CSMD2: variants seen among roughly 807,000 people sequenced by gnomAD.
CSMD2 encodes the protein CUB and sushi domain-containing protein 2.
CSMD2 carries 130 observed loss-of-function variants against 398.5 expected under a neutral mutation model. The observed-to-expected ratio is 0.33, with a 90% CI of 0.28 to 0.38. The LOEUF is 0.38. CSMD2 is among the 10% of genes least tolerant of loss of function. The pLI, the probability that CSMD2 is intolerant of heterozygous loss-of-function variation, is 1.00. For synonymous variants in CSMD2, 1,828 were observed against 1,908.5 expected, an observed-to-expected ratio of 0.96 and a Z score of 1.10; for missense variants, 3,829 against 4,764.9, an observed-to-expected ratio of 0.80 and a Z score of 5.78.
intron 58 of CSMD2, among the ~76,000 whole-genome samples, chr1:33,541,893 C>A (rs936285780): frequency 6.6e-6 from 1 of 152,152 alleles, no homozygotes; most frequent in African/African-American, 2.4e-5. Flanking sequence ...ATCTTATCAC[C>A]TGCTGTTGTA....
At chr1:33,962,754 C>T (rs976688664) in intron 3 of CSMD2, among the ~76,000 whole-genome samples, 2 of 152,170 alleles carry the variant, frequency 1.3e-5, no homozygotes, top group Non-Finnish European at 2.9e-5. Flanking sequence ...TCATATCCTT[C>T]AGGTGTGTCC....
chr1:33,653,341 C>T (rs1036788472), intron 27 of CSMD2, among the ~76,000 whole-genome samples: 1 of 152,212 alleles, frequency 6.6e-6, no homozygotes, highest in African/African-American at 2.4e-5. Flanking sequence ...TGGGTACTGA[C>T]TGTGAGTTCC....
chr1:33,613,767 G>A (rs369313844), intron 40 of CSMD2, among the ~76,000 whole-genome samples: 5 of 152,206 alleles, frequency 3.3e-5, no homozygotes, highest in African/African-American at 1.2e-4. Flanking sequence ...CCGTGCGTAC[G>A]GCCCATCAGT....
intron 44 of CSMD2, among the ~76,000 whole-genome samples, chr1:33,597,673 T>C (rs1005649520): frequency 3.9e-5 from 6 of 152,248 alleles, no homozygotes; most frequent in African/African-American, 1.4e-4. Flanking sequence ...TGGTTATAAC[T>C]GCTTCTAAGA....
In CSMD2 at chr1:33,518,882, T is replaced by G. The variant is rs1477127582; in HGVS notation, c.*53+583A>C. 2.0e-5 allele frequency among the ~76,000 whole-genome samples: 3 copies of G among 152,196 alleles called. No homozygotes were observed. The highest frequency in any genetic ancestry group is 4.4e-5 in the Non-Finnish European group (3 of 68,042). On this transcript the variant is annotated intron_variant, in intron 70 of 70. Transcript: ENST00000373381. This position sits in a 1 kb window ranked among gnomAD's most constrained non-coding sequence, Gnocchi z 4.3. Reference sequence around the variant, plus strand: ...ACATATAGCTCTACGGAGATGCGTATCTATATATAGATGGATAGGTATGGA... The same window carrying G: ...ACATATAGCTCTACGGAGATGCGTAGCTATATATAGATGGATAGGTATGGA...
At chr1:34,148,319 C>T (rs796405) in intron 1 of CSMD2, among the ~76,000 whole-genome samples, 115,960 of 152,100 alleles carry the variant, frequency 0.76, 46,118 homozygotes, top group Non-Finnish European at 0.87. Flanking sequence ...CTCATTGCTC[C>T]GCATCAAAAA....
At chr1:33,871,561 G>A (rs2125145767) in intron 5 of CSMD2, among the ~76,000 whole-genome samples, 1 of 152,292 alleles carries the variant, frequency 6.6e-6, no homozygotes, top group South Asian at 2.1e-4. Context: ...CTTCTTATTG[G>A]TGAGGACTGT....
intron 17 of CSMD2, 86 bp from the exon 18 acceptor site, chr1:33,724,790 C>A: frequency 2.3e-6 from 3 of 1,292,984 alleles, no homozygotes; most frequent in Non-Finnish European, 3.2e-6. Context: ...AAGAAGAGAG[C>A]CCTGGTTTAT....
At chr1:33,606,013 A>C (rs769987555) in intron 41 of CSMD2, 1 of 1,605,954 alleles carries the variant, frequency 6.2e-7, no homozygotes, top group Admixed American at 1.7e-5. Context: ...GAAGCTTTTC[A>C]GAGGGAGTAG....
chr1:33,615,162 G>A (rs12049260), intron 39 of CSMD2, among the ~76,000 whole-genome samples: 5 of 152,132 alleles, frequency 3.3e-5, no homozygotes, highest in African/African-American at 7.2e-5. Context: ...GAAAAGTGAC[G>A]GTGATCAGCA....
chr1:33,668,788 C>A (rs1644395896), intron 25 of CSMD2, among the ~76,000 whole-genome samples: 1 of 152,130 alleles, frequency 6.6e-6, no homozygotes, highest in Admixed American at 6.5e-5. Flanking sequence ...ACCACAAACA[C>A]AAAACAGGCC....
At chr1:34,141,188 C>T (rs1639259353) in intron 1 of CSMD2, among the ~76,000 whole-genome samples, 1 of 144,546 alleles carries the variant, frequency 6.9e-6, no homozygotes, top group Non-Finnish European at 1.5e-5. Context: ...GAGTTATTAA[C>T]TCCATCTACT....
At chr1:33,887,646 T>G (rs1641694642) in intron 5 of CSMD2, among the ~76,000 whole-genome samples, 1 of 152,228 alleles carries the variant, frequency 6.6e-6, no homozygotes, top group Admixed American at 6.5e-5. Context: ...TTTGCTGTTT[T>G]TATTGATCTG....
intron 1 of CSMD2, among the ~76,000 whole-genome samples, chr1:34,100,785 A>C (rs910756285): frequency 2.0e-5 from 3 of 152,208 alleles, no homozygotes; most frequent in Admixed American, 6.5e-5. Context: ...CTGGACCCTT[A>C]GTTAGATCTG....
At chr1:33,791,538 T>C (rs754178115) in intron 11 of CSMD2, among the ~76,000 whole-genome samples, 2 of 152,082 alleles carry the variant, frequency 1.3e-5, no homozygotes, top group African/African-American at 2.4e-5. Context: ...CAGGCTAGAG[T>C]GTAGTGGCAT....
intron 5 of CSMD2, among the ~76,000 whole-genome samples, chr1:33,913,399 A>G (rs754210530): frequency 9.9e-5 from 15 of 152,174 alleles, no homozygotes; most frequent in Non-Finnish European, 1.6e-4. Flanking sequence ...TGGAAAGCTC[A>G]TATGTTGGCT....
intron 27 of CSMD2, among the ~76,000 whole-genome samples, chr1:33,653,487 C>G (rs1247891739): frequency 6.6e-6 from 1 of 152,152 alleles, no homozygotes; most frequent in Non-Finnish European, 1.5e-5. Flanking sequence ...AAGGCCTTGT[C>G]CAAGAGTATG....
At chr1:34,159,338 C>CCG (rs56893007) in intron 1 of CSMD2, among the ~76,000 whole-genome samples, 7 of 142,816 alleles carry the variant, frequency 4.9e-5, no homozygotes, top group African/African-American at 1.6e-4. Context: ...GCCCCCCCCC[C>CCG]ACCCAGGAGC....
At chr1:33,950,570 G>A (rs186302156) in intron 3 of CSMD2, among the ~76,000 whole-genome samples, 167 of 152,248 alleles carry the variant, frequency 1.1e-3, no homozygotes, top group African/African-American at 3.9e-3. Context: ...AGGTAGGAGA[G>A]CCTGTTGAGG....
Sources: gnomAD v4.1 joint callset for allele counts (sites outside exome capture counted in the v4.1 genomes callset) on GRCh38, gnomAD v4.1.1 for gene constraint, Gnocchi (gnomAD v3.1) non-coding constraint, MANE v1.5 for transcripts, NCBI Gene and HGNC (gene_info 2026-07-23, HGNC 2026-07-21) for gene names.